Variants in ACTL6B observed in about 807,000 individuals in gnomAD.
ACTL6B encodes actin-like protein 6B.
A neutral mutation model predicts 63.3 loss-of-function variants in ACTL6B; 48 were observed. The ratio of observed to expected loss-of-function variants is 0.76; its 90% confidence interval spans 0.60 to 0.96. The LOEUF (loss-of-function observed/expected upper bound fraction) is 0.96. Among genes scored for constraint, ACTL6B ranks in the 50% least tolerant of loss-of-function variants. The probability of loss-of-function intolerance (pLI) is 0.00; values close to 1 mark genes in which losing one functional copy is unlikely to be tolerated. For synonymous variants in ACTL6B, 230 were observed against 223.8 expected, an observed-to-expected ratio of 1.03 and a Z score of -0.25; for missense variants, 350 against 572.2, an observed-to-expected ratio of 0.61 and a Z score of 3.96.
intron 1 of ACTL6B, 78 bp downstream of exon 1, chr7:100,656,251 CG>C: frequency 7.5e-7 from 1 of 1,342,110 alleles, no homozygotes. Flanking sequence ...TGACAGGCCC[CG>C]GGGTGCCCAG....
At position 100,648,217 on chromosome 7, in the gene ACTL6B, C is replaced by G. The variant is rs539802110; in HGVS notation, c.669+339G>C. 36 of 183,182 alleles carry G rather than the reference C, an allele frequency of 2.0e-4. No homozygotes were observed. The highest frequency in any genetic ancestry group is 5.6e-5 in the Non-Finnish European group (5 of 88,548). The allele number at this position is 183,182 out of a possible 1,614,324, so 11.3% of individuals were successfully genotyped here. ...AAGCGATCTGCCTGCCTCAGCCTCCCGAAGTGCTGGGATTACAGGTGTGAG... is the reference window on the plus strand; with the variant it reads ...AAGCGATCTGCCTGCCTCAGCCTCCGGAAGTGCTGGGATTACAGGTGTGAG... On this transcript the variant is annotated intron_variant, in intron 7 of 13. Transcript: ENST00000160382. The surrounding 1 kb of genome is among the most constrained non-coding windows in gnomAD (Gnocchi z 4.4).
rs1232476142 is a variant in ACTL6B, at chr7:100,644,596, C to T, written c.1201-1270G>A. ...CCAAGTAGGTGGGACTACAGGTATG[C>T]GCCACATTGCCAGTTGCTTTTTAAA... On this transcript the variant is annotated intron_variant, in intron 13 of 13. Transcript: ENST00000160382. Among the ~76,000 whole-genome samples, 10 of 152,034 alleles carry T rather than the reference C, an allele frequency of 6.6e-5. No individual in the cohort carries two copies. The South Asian group carries it at 1.9e-3, about 28-fold the overall frequency.
chr7:100,645,423 A>C (rs1803802709), intron 13 of ACTL6B, among the ~76,000 whole-genome samples: 1 of 152,048 alleles, frequency 6.6e-6, no homozygotes. Flanking sequence ...CTCCGGGACA[A>C]TCAAAACAGC....
At position 100,655,151 on chromosome 7, in the gene ACTL6B, A is replaced by G; in HGVS notation, c.269-32T>C. 2 of 1,572,718 alleles carry G rather than the reference A, an allele frequency of 1.3e-6. No homozygotes were observed. Among genetic ancestry groups the G allele is most frequent in the Non-Finnish European group, 1.7e-6 (2 of 1,143,176 alleles). ...CCAGAAGAGCAGCGTGCAGAGACGC[A>G]AGAAGGCAGGCAGGGGACAGGGACA... On this transcript the variant is annotated intron_variant, in intron 3 of 13. Coordinates refer to ENST00000160382, the MANE Select transcript of ACTL6B (RefSeq NM_016188.5). This position sits in a 1 kb window ranked among gnomAD's most constrained non-coding sequence, Gnocchi z 4.4.
In ACTL6B at chr7:100,655,380, G is replaced by C. The variant is rs929645764; in HGVS notation, c.268+41C>G. On this transcript the variant is annotated intron_variant, in intron 3 of 13. Coordinates refer to ENST00000160382, the MANE Select transcript of ACTL6B (RefSeq NM_016188.5). The surrounding 1 kb of genome is among the most constrained non-coding windows in gnomAD (Gnocchi z 4.4). ...CTATGACCCAGATTGTGGGGAGCGG[G>C]CTCCTTTTCTGTCAGGAGGTGATGG... The C allele has an allele frequency of 6.3e-7, 1 of 1,594,890 alleles. No homozygotes were observed. The highest frequency in any genetic ancestry group is 8.5e-7 in the Non-Finnish European group (1 of 1,169,786).
intron 4 of ACTL6B, among the ~76,000 whole-genome samples, chr7:100,652,771 G>A (rs987874051): frequency 6.6e-6 from 1 of 151,672 alleles, no homozygotes; most frequent in African/African-American, 2.4e-5. Flanking sequence ...GGGAGGCCAA[G>A]GTCGGTGGAT....
rs1803856406 is a variant in ACTL6B at position 100,647,976 on chromosome 7, T to G, written c.670-443A>C. Among the ~76,000 whole-genome samples the G allele has an allele frequency of 1.3e-5, 2 of 151,284 alleles. No individual in the cohort carries two copies. The highest frequency in any genetic ancestry group is 6.6e-5 in the Admixed American group (1 of 15,194). On this transcript the variant is annotated intron_variant, in intron 7 of 13. Coordinates refer to ENST00000160382, the MANE Select transcript of ACTL6B (RefSeq NM_016188.5). The surrounding 1 kb of genome is among the most constrained non-coding windows in gnomAD (Gnocchi z 4.4). ...CACACAGCTCTTTTTTTTTTTTTTT[T>G]TCAGATGGAGTCTCACTCGGTCGCC... is the stretch of plus-strand genomic sequence containing the variant.
At chr7:100,649,950 C>A in intron 5 of ACTL6B, 88 bp downstream of exon 5, 1 of 1,231,264 alleles carries the variant, frequency 8.1e-7, no homozygotes, top group Non-Finnish European at 1.2e-6. Context: ...GAGAACCAGG[C>A]CTGACCCTCC....
At chr7:100,656,039 G>T (rs1216867167) in intron 1 of ACTL6B, among the ~76,000 whole-genome samples, 160 bp from the exon 2 acceptor site, 1 of 152,254 alleles carries the variant, frequency 6.6e-6, no homozygotes, top group Non-Finnish European at 1.5e-5. Flanking sequence ...GGGACTGGGG[G>T]TGGGGGCATC....
At position 100,647,523 on chromosome 7, in the gene ACTL6B, C is replaced by G; in HGVS notation, c.680G>C (p.Arg227Pro). Residue 227 changes from arginine (R) to proline (P), a missense_variant, in exon 8 of 14, where the codon CGG becomes CCG. Physicochemically the swap from Arg to Pro is moderately radical, Grantham distance 103. Coordinates refer to ENST00000160382, the MANE Select transcript of ACTL6B (RefSeq NM_016188.5). The surrounding 1 kb of genome is among the most constrained non-coding windows in gnomAD (Gnocchi z 4.4). ...CTTCCAGTTTGGGGGGGCACCCTCC[C>G]GGACAGGCTCCTGTGGGGGCACAGT... ...PYMIAAKEPVREGAPPNWKKK... is the reference protein window; with the variant it reads ...PYMIAAKEPVPEGAPPNWKKK... The G allele has an allele frequency of 6.2e-7, 1 of 1,600,352 alleles. No homozygotes were observed. Among genetic ancestry groups the G allele is most frequent in the Non-Finnish European group, 8.5e-7 (1 of 1,173,400 alleles).
In ACTL6B at chr7:100,647,037, G is replaced by A. The variant is rs144651143; in HGVS notation, c.870C>T (p.Tyr290=). The change falls in exon 10 of 14, where the codon TAC becomes TAT. Residue 290 remains tyrosine, a synonymous_variant. Coordinates refer to ENST00000160382, the MANE Select transcript of ACTL6B (RefSeq NM_016188.5). The surrounding 1 kb of genome is among the most constrained non-coding windows in gnomAD (Gnocchi z 4.4). ...PTVHYEMPNG[Y]NTDYGAERLR... ...GTCGCTCGGCGCCGTAGTCTGTATT[G>A]TAGCCATTGGGCATCTCGTAGTGCA... The A allele has an allele frequency of 1.9e-5, 31 of 1,614,104 alleles. No homozygotes were observed. In the African/African-American group the frequency reaches 4.1e-4, roughly 22 times the overall value.
chr7:100,647,594 C>T lies in ACTL6B; in HGVS notation c.670-61G>A, dbSNP rs1367328258. On this transcript the variant is annotated intron_variant, in intron 7 of 13. Coordinates refer to ENST00000160382, the MANE Select transcript of ACTL6B (RefSeq NM_016188.5). The surrounding 1 kb of genome is among the most constrained non-coding windows in gnomAD (Gnocchi z 4.4). Reference sequence around the variant, plus strand: ...CCCACCTGACCCCCACCCCCACCTTCCTGGCACTGTTCCCAGCTCTGCAGC... The same window carrying T: ...CCCACCTGACCCCCACCCCCACCTTTCTGGCACTGTTCCCAGCTCTGCAGC... 10 of 1,281,226 alleles carry T rather than the reference C, an allele frequency of 7.8e-6. No individual in the cohort carries two copies. In the East Asian group the frequency reaches 1.2e-4, roughly 15 times the overall value. The allele number at this position is 1,281,226 out of a possible 1,614,324, so 79.4% of individuals were successfully genotyped here.
rs1243614112 is a variant in ACTL6B at position 100,647,561 on chromosome 7, T to G, written c.670-28A>C. 6.6e-7 allele frequency: 1 copy of G among 1,512,644 alleles called. No individual in the cohort carries two copies. The highest frequency in any genetic ancestry group is 9.0e-7 in the Non-Finnish European group (1 of 1,116,970). The allele number at this position is 1,512,644 out of a possible 1,614,324, so 93.7% of individuals were successfully genotyped here. On this transcript the variant is annotated intron_variant, in intron 7 of 13. Transcript: ENST00000160382. The surrounding 1 kb of genome is among the most constrained non-coding windows in gnomAD (Gnocchi z 4.4). ...GTGGGGGCACAGTGTAGGAACACCC[T>G]TTCCTAGCCCACCTGACCCCCACCC...
chr7:100,651,524 TG>T (rs1803939821), intron 4 of ACTL6B, among the ~76,000 whole-genome samples: 1 of 150,842 alleles, frequency 6.6e-6, no homozygotes, highest in Admixed American at 6.6e-5. Context: ...CACTCCAGCC[TG>T]GGGGACAAGA....
In ACTL6B at chr7:100,646,302, T is replaced by A; in HGVS notation, c.1147A>T (p.Thr383Ser). 1 of 1,614,004 alleles carries A rather than the reference T, an allele frequency of 6.2e-7. No homozygotes were observed. Among genetic ancestry groups the A allele is most frequent in the Non-Finnish European group, 8.5e-7 (1 of 1,179,984 alleles). The change falls in exon 13 of 14, where the codon ACC (threonine) becomes TCC (serine). Residue 383 changes from threonine to serine, a missense_variant. Coordinates refer to ENST00000160382, the MANE Select transcript of ACTL6B (RefSeq NM_016188.5). This position sits in a 1 kb window ranked among gnomAD's most constrained non-coding sequence, Gnocchi z 6.1. ...CAGGGGCTGAACTTGCGCTCCATGGTGCTGTTGCTGGCAATGAGTTTCAGT... is the reference window on the plus strand; with the variant it reads ...CAGGGGCTGAACTTGCGCTCCATGGAGCTGTTGCTGGCAATGAGTTTCAGT... ...MRLKLIASNSTMERKFSPWIG... is the reference protein window; with the variant it reads ...MRLKLIASNSSMERKFSPWIG...
Position 100,648,287 on chromosome 7 carries a change from G to C in ACTL6B, c.669+269C>G. ...CTGCAGCTCTTGCACGGCAGAGGCA[G>C]AACTTGAACCTGGGTCTATATTGGA... On this transcript the variant is annotated intron_variant, in intron 7 of 13. Coordinates refer to ENST00000160382, the MANE Select transcript of ACTL6B (RefSeq NM_016188.5). This position sits in a 1 kb window ranked among gnomAD's most constrained non-coding sequence, Gnocchi z 4.4. 3.4e-6 allele frequency: 1 copy of C among 292,478 alleles called. No homozygotes were observed. The highest frequency in any genetic ancestry group is 6.3e-6 in the Non-Finnish European group (1 of 157,722). The allele number at this position is 292,478 out of a possible 1,614,324, so 18.1% of individuals were successfully genotyped here. A position where few individuals can be genotyped will look rare whatever the true frequency, so the allele number is the denominator to read the frequency against.
Position 100,648,852 on chromosome 7 carries a change from C to G in ACTL6B, c.468-29G>C, listed in dbSNP as rs751760813. The G allele has an allele frequency of 1.2e-6, 2 of 1,600,534 alleles. No individual in the cohort carries two copies. The highest frequency in any genetic ancestry group is 8.5e-7 in the Non-Finnish European group (1 of 1,172,800). ...GCATCGGATGGGTAAGTCAAAGAGA[C>G]AGCAGCAGCAAGTGAGGGGCCTGGG... On this transcript the variant is annotated intron_variant, in intron 5 of 13. Transcript: ENST00000160382. The surrounding 1 kb of genome is among the most constrained non-coding windows in gnomAD (Gnocchi z 4.4).
At chr7:100,645,249 C>T (rs1042732886) in intron 13 of ACTL6B, among the ~76,000 whole-genome samples, 8 of 152,028 alleles carry the variant, frequency 5.3e-5, no homozygotes, top group Non-Finnish European at 8.8e-5. Flanking sequence ...TGATACCCTC[C>T]AGATGCGGGT....
intron 13 of ACTL6B, 62 bp from the exon 14 acceptor site, chr7:100,643,388 T>C (rs959318218): frequency 6.4e-7 from 1 of 1,571,596 alleles, no homozygotes; most frequent in Non-Finnish European, 8.7e-7. Context: ...GACAGGCAGG[T>C]GCAGCCCCTG....
Sources: gnomAD v4.1 joint callset for allele counts (sites outside exome capture counted in the v4.1 genomes callset) on GRCh38, gnomAD v4.1.1 for gene constraint, Gnocchi (gnomAD v3.1) non-coding constraint, MANE v1.5 for transcripts, NCBI Gene and HGNC (gene_info 2026-07-23, HGNC 2026-07-21) for gene names.